The following MLLT3 variants were observed in gnomAD, a reference collection of about 807,000 sequenced individuals.
MLLT3 encodes MLLT3 super elongation complex subunit, also known as protein AF-9.
In MLLT3, 4 loss-of-function variants were observed where a neutral mutation model predicts 53.2. The ratio of observed to expected loss-of-function variants is 0.08; its 90% confidence interval spans 0.04 to 0.17. MLLT3 has a LOEUF of 0.17. MLLT3 is among the 10% of genes least tolerant of loss of function. The probability of loss-of-function intolerance (pLI) is 1.00; values close to 1 mark genes in which losing one functional copy is unlikely to be tolerated. For missense variants in MLLT3, 569 were observed against 684.0 expected (o/e 0.83, Z 1.87); for synonymous variants, 283 against 230.6 (o/e 1.23, Z -2.06).
intron 2 of MLLT3, among the ~76,000 whole-genome samples, chr9:20,582,469 G>A (rs909824927): frequency 6.6e-6 from 1 of 152,114 alleles, no homozygotes; most frequent in Non-Finnish European, 1.5e-5. Context: ...TTTTCAGAAT[G>A]TTATAAAATT....
chr9:20,348,802 A>T (rs139845553), intron 10 of MLLT3, among the ~76,000 whole-genome samples: 41 of 152,322 alleles, frequency 2.7e-4, no homozygotes, highest in African/African-American at 8.4e-4. Flanking sequence ...TAGTAACAGA[A>T]CTTTCAAGAA....
At chr9:20,432,097 A>T (rs536207590) in intron 4 of MLLT3, among the ~76,000 whole-genome samples, 15 of 152,302 alleles carry the variant, frequency 9.8e-5, no homozygotes, top group African/African-American at 3.6e-4. Context: ...CCTGATGTCA[A>T]AATCTTCTAG....
chr9:20,447,419 G>C (rs1211414400), intron 4 of MLLT3, among the ~76,000 whole-genome samples: 1 of 152,182 alleles, frequency 6.6e-6, no homozygotes, highest in African/African-American at 2.4e-5. Flanking sequence ...TGCAGTAGGA[G>C]CTGATGATCC....
At chr9:20,386,907 T>C (rs1317242227) in intron 5 of MLLT3, among the ~76,000 whole-genome samples, 1 of 152,228 alleles carries the variant, frequency 6.6e-6, no homozygotes, top group African/African-American at 2.4e-5. Context: ...ATTATTCTAA[T>C]TGTCTTAATG....
At chr9:20,419,202 T>C (rs1015950419) in intron 4 of MLLT3, among the ~76,000 whole-genome samples, 1 of 152,140 alleles carries the variant, frequency 6.6e-6, no homozygotes, top group Admixed American at 6.5e-5. Context: ...AAATGTTTAA[T>C]TAAAAACTAA....
intron 2 of MLLT3, among the ~76,000 whole-genome samples, chr9:20,508,512 G>GAA (rs1825441669): frequency 6.6e-6 from 1 of 152,124 alleles, no homozygotes; most frequent in Non-Finnish European, 1.5e-5. Context: ...CTGTAGGGAG[G>GAA]AACTGAAAGT....
In MLLT3 at chr9:20,551,936, A is replaced by G. The variant is rs1818935368; in HGVS notation, c.193+68718T>C. Among the ~76,000 whole-genome samples, 3 of 152,194 alleles carry G rather than the reference A, an allele frequency of 2.0e-5. No homozygotes were observed. The South Asian group carries it at 6.2e-4, about 31-fold the overall frequency. On this transcript the variant is annotated intron_variant, in intron 2 of 10. Coordinates refer to ENST00000380338, the MANE Select transcript of MLLT3 (RefSeq NM_004529.4). ...TCAACCCCCATCCCCCTACGTGCAC[A>G]AACAAATACACAAACCTGCTCTGAT...
intron 2 of MLLT3, among the ~76,000 whole-genome samples, chr9:20,533,672 G>C (rs1818401722): frequency 6.6e-6 from 1 of 152,188 alleles, no homozygotes. Flanking sequence ...TCCATCCACA[G>C]ATGAATAAAC....
intron 6 of MLLT3, among the ~76,000 whole-genome samples, chr9:20,365,270 G>A (rs1332740498): frequency 6.6e-6 from 1 of 152,166 alleles, no homozygotes; most frequent in African/African-American, 2.4e-5. Context: ...TAAAAGCCAA[G>A]TTATGATTCG....
At chr9:20,368,680 A>T (rs1335351616) in intron 5 of MLLT3, among the ~76,000 whole-genome samples, 1 of 152,164 alleles carries the variant, frequency 6.6e-6, no homozygotes, top group Admixed American at 6.5e-5. Context: ...ACAGTTGCTG[A>T]TCACCAAAAA....
At chr9:20,438,512 G>A (rs1023862618) in intron 4 of MLLT3, among the ~76,000 whole-genome samples, 3 of 152,164 alleles carry the variant, frequency 2.0e-5, no homozygotes, top group Admixed American at 6.5e-5. Flanking sequence ...TCAAATTCCT[G>A]GGCTCAAGCG....
At chr9:20,490,529 C>G (rs953765394) in intron 2 of MLLT3, among the ~76,000 whole-genome samples, 3 of 152,204 alleles carry the variant, frequency 2.0e-5, no homozygotes, top group African/African-American at 7.2e-5. Flanking sequence ...CACAAGGAAC[C>G]AGATTCTGCC....
At chr9:20,535,515 G>C (rs1818458857) in intron 2 of MLLT3, among the ~76,000 whole-genome samples, 1 of 151,938 alleles carries the variant, frequency 6.6e-6, no homozygotes, top group Admixed American at 6.6e-5. Context: ...ACTTTTAATA[G>C]AAACCAAGAA....
chr9:20,487,748 T>C (rs952386626), intron 2 of MLLT3, among the ~76,000 whole-genome samples: 1 of 152,136 alleles, frequency 6.6e-6, no homozygotes, highest in African/African-American at 2.4e-5. Context: ...AATCAAGGCA[T>C]TAGTGGTCTA....
chr9:20,503,912 A>C (rs1249860887), intron 2 of MLLT3, among the ~76,000 whole-genome samples: 1 of 152,232 alleles, frequency 6.6e-6, no homozygotes, highest in Non-Finnish European at 1.5e-5. Context: ...GACATTTCTC[A>C]AAAGACGACA....
intron 4 of MLLT3, among the ~76,000 whole-genome samples, chr9:20,430,683 T>C (rs1224808731): frequency 6.6e-6 from 1 of 152,156 alleles, no homozygotes; most frequent in Admixed American, 6.6e-5. Context: ...AGAATATCTA[T>C]ATGACCTTGG....
intron 2 of MLLT3, among the ~76,000 whole-genome samples, chr9:20,481,861 G>A (rs921763326): frequency 1.3e-5 from 2 of 152,132 alleles, no homozygotes; most frequent in African/African-American, 4.8e-5. Flanking sequence ...ACTAGAAGAG[G>A]AATACCTTAC....
At chr9:20,526,153 T>C (rs1380616454) in intron 2 of MLLT3, among the ~76,000 whole-genome samples, 3 of 152,230 alleles carry the variant, frequency 2.0e-5, no homozygotes, top group Non-Finnish European at 4.4e-5. Flanking sequence ...CCAAACACTC[T>C]GCTAGCTGAC....
At chr9:20,518,547 A>G (rs890850229) in intron 2 of MLLT3, among the ~76,000 whole-genome samples, 2 of 152,218 alleles carry the variant, frequency 1.3e-5, no homozygotes, top group African/African-American at 4.8e-5. Flanking sequence ...CGCAATCTCA[A>G]AGTATCTCTC....
Sources: gnomAD v4.1 joint callset for allele counts (sites outside exome capture counted in the v4.1 genomes callset) on GRCh38, gnomAD v4.1.1 for gene constraint, MANE v1.5 for transcripts, NCBI Gene and HGNC (gene_info 2026-07-23, HGNC 2026-07-21) for gene names.